The following PSMD14 variants were observed in gnomAD, a reference collection of about 807,000 sequenced individuals.
PSMD14 encodes the protein proteasome 26S subunit, non-ATPase 14.
A neutral mutation model predicts 41.2 loss-of-function variants in PSMD14; 7 were observed. The ratio of observed to expected loss-of-function variants is 0.17; its 90% confidence interval spans 0.10 to 0.32. The LOEUF (loss-of-function observed/expected upper bound fraction) is 0.32. Among genes scored for constraint, PSMD14 ranks in the 10% least tolerant of loss-of-function variants. PSMD14 has a pLI of 1.00. For missense variants in PSMD14, 139 were observed against 375.6 expected (o/e 0.37, Z 5.21); for synonymous variants, 114 against 122.3 (o/e 0.93, Z 0.45).
chr2:161,411,469 A>T lies in PSMD14; in HGVS notation c.*69A>T. Reference sequence around the variant, plus strand: ...TCTGTTGTTCCTAATGCTCAAAATCAAGGGACCTCTGAAGGTGTACTTGGC... The same window carrying T: ...TCTGTTGTTCCTAATGCTCAAAATCTAGGGACCTCTGAAGGTGTACTTGGC... On this transcript the variant is annotated 3_prime_UTR_variant, in exon 12 of 12. Transcript: ENST00000409682. 8.7e-7 allele frequency: 1 copy of T among 1,152,612 alleles called. No homozygotes were observed. The highest frequency in any genetic ancestry group is 2.7e-5 in the East Asian group (1 of 37,530). The allele number at this position is 1,152,612 out of a possible 1,614,324, so 71.4% of individuals were successfully genotyped here.
intron 8 of PSMD14, among the ~76,000 whole-genome samples, chr2:161,388,418 C>A (rs1401452229): frequency 6.6e-6 from 1 of 152,048 alleles, no homozygotes; most frequent in African/African-American, 2.4e-5. Flanking sequence ...CATAACCAGA[C>A]TGCTTCATTC....
chr2:161,315,601 A>G (rs1013199460), intron 1 of PSMD14, among the ~76,000 whole-genome samples: 1 of 152,080 alleles, frequency 6.6e-6, no homozygotes, highest in Non-Finnish European at 1.5e-5. Context: ...TTTTTTCACT[A>G]TTGCATTATT....
intron 1 of PSMD14, among the ~76,000 whole-genome samples, chr2:161,309,524 A>T (rs963201728): frequency 6.6e-6 from 1 of 152,240 alleles, no homozygotes; most frequent in Non-Finnish European, 1.5e-5. Context: ...ACATGCACTG[A>T]TACTGTAGAA....
intron 2 of PSMD14, among the ~76,000 whole-genome samples, chr2:161,317,872 A>C (rs754103777): frequency 1.5e-4 from 23 of 152,284 alleles, no homozygotes; most frequent in Admixed American, 1.1e-3. Flanking sequence ...TTCATTTAGG[A>C]CATAGCGATT....
At chr2:161,358,907 C>T (rs1175913369) in intron 3 of PSMD14, among the ~76,000 whole-genome samples, 1 of 152,200 alleles carries the variant, frequency 6.6e-6, no homozygotes, top group African/African-American at 2.4e-5. Flanking sequence ...CATGAAGTAT[C>T]TTGAAAACCC....
At chr2:161,322,699 T>C (rs1478246308) in intron 3 of PSMD14, among the ~76,000 whole-genome samples, 1 of 152,172 alleles carries the variant, frequency 6.6e-6, no homozygotes, top group Admixed American at 6.6e-5. Context: ...CTGGTCATGT[T>C]TTTTTAATGG....
At chr2:161,317,338 T>C (rs911521777) in intron 2 of PSMD14, among the ~76,000 whole-genome samples, 2 of 152,196 alleles carry the variant, frequency 1.3e-5, no homozygotes, top group African/African-American at 4.8e-5. Flanking sequence ...TTTAAAATTG[T>C]GAGTCTTATA....
At chr2:161,326,301 G>A (rs186493789) in intron 3 of PSMD14, among the ~76,000 whole-genome samples, 1 of 152,236 alleles carries the variant, frequency 6.6e-6, no homozygotes, top group Non-Finnish European at 1.5e-5. Context: ...AAAGTGCTGG[G>A]ATTATAGGCA....
chr2:161,354,871 C>T (rs971773426), intron 3 of PSMD14, among the ~76,000 whole-genome samples: 1 of 152,190 alleles, frequency 6.6e-6, no homozygotes, highest in African/African-American at 2.4e-5. Flanking sequence ...GCTATTACAT[C>T]GCTTCACCCC....
rs761435711 is a variant in PSMD14 at position 161,348,535 on chromosome 2, TGTAAA to T, written c.49-18939_49-18935del. On this transcript the variant is annotated intron_variant, in intron 3 of 11. Transcript: ENST00000409682. ...ATAATTGTACTTAATAGTGGAAGTT[TGTAAA>T]GTATTGAAAAATGAATAATCCTCAC... 4.6e-5 allele frequency among the ~76,000 whole-genome samples: 7 copies of T among 152,216 alleles called. No homozygotes were observed. The South Asian group carries it at 1.4e-3, about 32-fold the overall frequency.
At chr2:161,383,286 G>A (rs957132062) in intron 7 of PSMD14, 1 of 151,972 alleles carries the variant, frequency 6.6e-6, no homozygotes, top group Admixed American at 6.6e-5. Flanking sequence ...GAACATGTTA[G>A]TTTCCTTAAG....
intron 10 of PSMD14, among the ~76,000 whole-genome samples, chr2:161,399,262 A>AT (rs1310803311): frequency 6.6e-6 from 1 of 152,124 alleles, no homozygotes; most frequent in Non-Finnish European, 1.5e-5. Context: ...TAGTAAGAAT[A>AT]TTAACGTGAG....
Position 161,401,356 on chromosome 2 carries a change from G to A in PSMD14, c.771+6153G>A, listed in dbSNP as rs568764603. On this transcript the variant is annotated intron_variant, in intron 10 of 11. Transcript: ENST00000409682. ...TGACATACAGATTTTCACCTGTGAC[G>A]GGTTAGCACCCATAACCCTCATCCC... Among the ~76,000 whole-genome samples, 6 of 152,280 alleles carry A rather than the reference G, an allele frequency of 3.9e-5. No homozygotes were observed. The East Asian group carries it at 7.7e-4, about 20-fold the overall frequency.
At chr2:161,388,748 A>C (rs925127284) in intron 8 of PSMD14, among the ~76,000 whole-genome samples, 2 of 152,198 alleles carry the variant, frequency 1.3e-5, no homozygotes, top group African/African-American at 2.4e-5. Context: ...TTTAAGGAGC[A>C]TGAAAACTTT....
intron 8 of PSMD14, among the ~76,000 whole-genome samples, chr2:161,389,886 G>GTTTTTTTTTTTTTTTTTTTT (rs1683685363): frequency 6.7e-5 from 1 of 14,938 alleles, no homozygotes; most frequent in African/African-American, 1.9e-4. Flanking sequence ...TTTCTTTTTT[G>GTTTTTTTTTTTTTTTTTTTT]TTGTTTTTTT....
intron 3 of PSMD14, among the ~76,000 whole-genome samples, chr2:161,322,983 C>G (rs1286022107): frequency 6.6e-6 from 1 of 152,142 alleles, no homozygotes; most frequent in Non-Finnish European, 1.5e-5. Flanking sequence ...CTCCATTGAC[C>G]CCTTTCTCTG....
chr2:161,310,765 A>G (rs760063650), intron 1 of PSMD14, among the ~76,000 whole-genome samples: 5 of 152,194 alleles, frequency 3.3e-5, no homozygotes, highest in Admixed American at 6.5e-5. Flanking sequence ...AGTGTCATAT[A>G]GTGAGTAGGT....
chr2:161,353,337 G>T (rs1683146491), intron 3 of PSMD14, among the ~76,000 whole-genome samples: 1 of 152,172 alleles, frequency 6.6e-6, no homozygotes, highest in African/African-American at 2.4e-5. Flanking sequence ...TATGGATAAG[G>T]AAGAGCATGT....
At chr2:161,336,443 A>G (rs977926190) in intron 3 of PSMD14, among the ~76,000 whole-genome samples, 3 of 152,234 alleles carry the variant, frequency 2.0e-5, no homozygotes, top group Admixed American at 6.5e-5. Flanking sequence ...GAAGCATATT[A>G]TGAGTTTGGA....
Sources: allele counts gnomAD v4.1 joint callset (sites outside exome capture counted in the v4.1 genomes callset), GRCh38; gene constraint gnomAD v4.1.1; transcripts MANE v1.5; gene names NCBI Gene and HGNC (gene_info 2026-07-23, HGNC 2026-07-21).